USP8: variants seen among roughly 807,000 people sequenced by gnomAD.
USP8 encodes the protein ubiquitin carboxyl-terminal hydrolase 8.
In USP8, 27 loss-of-function variants were observed where a neutral mutation model predicts 130.0. The ratio of observed to expected loss-of-function variants is 0.21; its 90% CI spans 0.15 to 0.29. The LOEUF is 0.29. USP8 is among the 10% of genes least tolerant of loss of function. The pLI, the probability that USP8 is intolerant of heterozygous loss-of-function variation, is 1.00. For synonymous variants in USP8, 392 were observed against 444.1 expected, an observed-to-expected ratio of 0.88 and a Z score of 1.48; for missense variants, 1,029 against 1,312.2, an observed-to-expected ratio of 0.78 and a Z score of 3.33.
Position 50,508,808 on chromosome 15 carries a change from G to A in USP8, c.*9720G>A, listed in dbSNP as rs2052697361. ...AGTCCAGGAGTTTGAAACCAGCTTG[G>A]GCAACATGGCAAAACCCCGTCTCTA... On this transcript the variant is annotated 3_prime_UTR_variant, in exon 20 of 20. Transcript: ENST00000307179. 1 of 150,916 alleles carries A rather than the reference G, an allele frequency of 6.6e-6. No homozygotes were observed. Among genetic ancestry groups the A allele is most frequent in the Non-Finnish European group, 1.5e-5 (1 of 67,904 alleles). 9.3% of individuals were successfully genotyped at this position (150,916 alleles called of 1,614,324 possible).
At position 50,500,545 on chromosome 15, in the gene USP8, A is replaced by G. The variant is rs2052564519; in HGVS notation, c.*1457A>G. 2.1e-6 allele frequency: 1 copy of G among 468,870 alleles called. No homozygotes were observed. Among genetic ancestry groups the G allele is most frequent in the Non-Finnish European group, 3.9e-6 (1 of 256,120 alleles). The allele number at this position is 468,870 out of a possible 1,614,324, so 29.0% of individuals were successfully genotyped here. ...GTATAACATGCCCACAAGGCATAAA[A>G]ATGTTAATGATGCAAGTAAGTTCTA... On this transcript the variant is annotated 3_prime_UTR_variant, in exon 20 of 20. Coordinates refer to ENST00000307179, the MANE Select transcript of USP8 (RefSeq NM_005154.5).
rs974338568 is a variant in USP8, at chr15:50,504,021, A to G, written c.*4933A>G. 6.6e-6 allele frequency: 1 copy of G among 152,206 alleles called. No homozygotes were observed. Among genetic ancestry groups the G allele is most frequent in the African/African-American group, 2.4e-5 (1 of 41,446 alleles). 9.4% of individuals were successfully genotyped at this position (152,206 alleles called of 1,614,324 possible). The stretch of plus-strand genomic sequence containing the variant: ...AATTTTCAGAAATGAGAAATACAAC[A>G]TAGTTGGCCGTCCATATTTACGGGC... On this transcript the variant is annotated 3_prime_UTR_variant, in exon 20 of 20. Coordinates refer to ENST00000307179, the MANE Select transcript of USP8 (RefSeq NM_005154.5).
At chr15:50,450,448 A>AGTC (rs1470867835) in intron 4 of USP8, among the ~76,000 whole-genome samples, 1 of 140,174 alleles carries the variant, frequency 7.1e-6, no homozygotes, top group Admixed American at 7.3e-5. Flanking sequence ...TTCAGTTTTT[A>AGTC]GTCGTTAGTC....
intron 3 of USP8, among the ~76,000 whole-genome samples, chr15:50,442,613 C>T (rs1333705993): frequency 3.3e-5 from 5 of 151,868 alleles, no homozygotes; most frequent in Non-Finnish European, 5.9e-5. Context: ...GGCGTAGTGG[C>T]GGGCGCCTGT....
At chr15:50,477,714 G>T (rs1473819400) in intron 10 of USP8, among the ~76,000 whole-genome samples, 1 of 151,866 alleles carries the variant, frequency 6.6e-6, no homozygotes, top group African/African-American at 2.4e-5. Context: ...GGTGGTGGGT[G>T]CCTATAAATC....
At chr15:50,485,620 A>G (rs2051936992) in intron 12 of USP8, among the ~76,000 whole-genome samples, 1 of 120,262 alleles carries the variant, frequency 8.3e-6, no homozygotes, top group African/African-American at 3.3e-5. Context: ...ATACAATCCA[A>G]TTTTAGAACA....
chr15:50,466,992 C>T (rs1363602274), intron 7 of USP8: 10 of 499,642 alleles, frequency 2.0e-5, no homozygotes, highest in Non-Finnish European at 3.7e-5. Context: ...TATGAGAATC[C>T]ACAAACAACT....
intron 4 of USP8, among the ~76,000 whole-genome samples, chr15:50,456,308 A>G (rs1228129813): frequency 6.6e-6 from 1 of 152,168 alleles, no homozygotes; most frequent in African/African-American, 2.4e-5. Context: ...GGGGTGGCTC[A>G]TGCCTGTAAT....
At chr15:50,481,331 A>C in intron 10 of USP8, 150 bp from the exon 11 acceptor site, 1 of 524,542 alleles carries the variant, frequency 1.9e-6, no homozygotes. Context: ...GTTTTATGAG[A>C]AATCTTGACA....
rs140254205 is a variant in USP8, at chr15:50,500,422, G to A, written c.*1334G>A. 26 of 190,350 alleles carry A rather than the reference G, an allele frequency of 1.4e-4. No homozygotes were observed. The East Asian group carries it at 2.9e-3, about 22-fold the overall frequency. 11.8% of individuals were successfully genotyped at this position (190,350 alleles called of 1,614,324 possible). A position where few individuals can be genotyped will look rare whatever the true frequency, so the allele number is the denominator to read the frequency against. On this transcript the variant is annotated 3_prime_UTR_variant, in exon 20 of 20. Coordinates refer to ENST00000307179, the MANE Select transcript of USP8 (RefSeq NM_005154.5). ...CACTATATAATTGCAGTGTTTTGAA[G>A]GCCTGCATCCATTAGCATTGCATTA...
chr15:50,427,329 A>G (rs1022153975), intron 1 of USP8, among the ~76,000 whole-genome samples: 3 of 152,120 alleles, frequency 2.0e-5, no homozygotes, highest in Admixed American at 6.5e-5. Flanking sequence ...CTTGATACCT[A>G]TGGTCACCCT....
rs776970699 is a variant in USP8 at position 50,490,364 on chromosome 15, C to T, written c.2073C>T (p.Ser691=). The change falls in exon 14 of 20, where the codon TCC becomes TCT. Residue 691 remains serine (S), a synonymous_variant. Transcript: ENST00000307179. ...TGGCTCCTTCATCTGCACCTCCTTC[C>T]ACCCCTCCAACTCATAAAGCCAAGC... ...PEMAPSSAPP[S]TPPTHKAKPQ... The T allele has an allele frequency of 4.3e-6, 7 of 1,613,900 alleles. No individual in the cohort carries two copies. Among genetic ancestry groups the T allele is most frequent in the Admixed American group, 1.7e-5 (1 of 59,982 alleles).
rs1383152130 is a variant in USP8, at chr15:50,510,694, G to A, written c.*11606G>A. ...GTGCACATATATATGTATAGAGAGT[G>A]AAAGTAATAAAAGTGTATACACTGC... is the stretch of plus-strand genomic sequence containing the variant. On this transcript the variant is annotated 3_prime_UTR_variant, in exon 20 of 20. Transcript: ENST00000307179. 1 of 152,036 alleles carries A rather than the reference G, an allele frequency of 6.6e-6. No individual in the cohort carries two copies. Among genetic ancestry groups the A allele is most frequent in the African/African-American group, 2.4e-5 (1 of 41,414 alleles). The allele number at this position is 152,036 out of a possible 1,614,324, so 9.4% of individuals were successfully genotyped here.
intron 8 of USP8, 55 bp downstream of exon 8, chr15:50,471,850 G>T: frequency 6.4e-7 from 1 of 1,567,276 alleles, no homozygotes. Context: ...CTGGTTGTTA[G>T]AAAGGCATGT....
At chr15:50,485,980 C>A (rs1221681235) in intron 12 of USP8, among the ~76,000 whole-genome samples, 1 of 152,048 alleles carries the variant, frequency 6.6e-6, no homozygotes, top group Non-Finnish European at 1.5e-5. Flanking sequence ...TCAGTACACC[C>A]AGAGTTATTT....
At chr15:50,476,761 AG>A (rs2141298340) in intron 8 of USP8, 87 bp from the exon 9 acceptor site, 1 of 1,397,834 alleles carries the variant, frequency 7.2e-7, no homozygotes, top group East Asian at 2.6e-5. Context: ...TTTGTCCTTA[AG>A]GGAACAACTT....
At chr15:50,483,204 A>C (rs370301407) in intron 11 of USP8, among the ~76,000 whole-genome samples, 1 of 152,352 alleles carries the variant, frequency 6.6e-6, no homozygotes, top group African/African-American at 2.4e-5. Flanking sequence ...TTAGAGGTTA[A>C]GTATTTGCCT....
chr15:50,485,139 A>G (rs2051909962), intron 12 of USP8, among the ~76,000 whole-genome samples: 1 of 152,182 alleles, frequency 6.6e-6, no homozygotes, highest in Non-Finnish European at 1.5e-5. Context: ...TGTGTATTTC[A>G]TCACAATTTT....
intron 11 of USP8, 117 bp downstream of exon 11, chr15:50,482,182 A>G: frequency 1.0e-6 from 1 of 953,828 alleles, no homozygotes; most frequent in East Asian, 2.9e-5. Flanking sequence ...TTCAGGGGTG[A>G]TAGAATGTAC....
Sources: gnomAD v4.1 joint callset for allele counts (sites outside exome capture counted in the v4.1 genomes callset) on GRCh38, gnomAD v4.1.1 for gene constraint, MANE v1.5 for transcripts, NCBI Gene and HGNC (gene_info 2026-07-23, HGNC 2026-07-21) for gene names.